Variants in PRKCE observed in about 807,000 individuals in gnomAD.
PRKCE encodes the protein protein kinase C epsilon type.
In PRKCE, 16 loss-of-function variants were observed where a neutral mutation model predicts 85.4. That is an observed-to-expected ratio of 0.19 (90% confidence interval 0.13 to 0.28). The LOEUF is 0.28. Ranked by LOEUF, PRKCE falls within the 10% of genes least tolerant of loss-of-function variation. The probability of loss-of-function intolerance (pLI) is 1.00; values close to 1 mark genes in which losing one functional copy is unlikely to be tolerated. For synonymous variants in PRKCE, 388 were observed against 371.5 expected, an observed-to-expected ratio of 1.04 and a Z score of -0.51; for missense variants, 573 against 975.2, an observed-to-expected ratio of 0.59 and a Z score of 5.49.
chr2:46,174,154 G>T (rs1679187060), intron 14 of PRKCE, among the ~76,000 whole-genome samples: 1 of 152,242 alleles, frequency 6.6e-6, no homozygotes, highest in African/African-American at 2.4e-5. Flanking sequence ...CAATGAGATT[G>T]TGGGGAAGGG....
chr2:46,014,334 C>A (rs1705943129), intron 10 of PRKCE, among the ~76,000 whole-genome samples: 1 of 152,158 alleles, frequency 6.6e-6, no homozygotes, highest in Non-Finnish European at 1.5e-5. Flanking sequence ...CAGTCAAGAT[C>A]AAGTAGCCAC....
chr2:45,908,870 C>G (rs1332438884), intron 2 of PRKCE, among the ~76,000 whole-genome samples: 2 of 152,126 alleles, frequency 1.3e-5, no homozygotes, highest in Non-Finnish European at 2.9e-5. Context: ...GTACAGTGGG[C>G]AGATTCATAC....
intron 1 of PRKCE, among the ~76,000 whole-genome samples, chr2:45,745,268 G>A (rs1683047090): frequency 6.6e-6 from 1 of 152,144 alleles, no homozygotes; most frequent in East Asian, 1.9e-4. Flanking sequence ...GGTGGGGAGA[G>A]GAGGCCCGGG....
At chr2:46,127,245 T>C (rs1673951265) in intron 11 of PRKCE, among the ~76,000 whole-genome samples, 1 of 152,216 alleles carries the variant, frequency 6.6e-6, no homozygotes, top group African/African-American at 2.4e-5. Flanking sequence ...AAATCCTGGA[T>C]TCTTAGGATC....
chr2:45,890,339 T>C (rs1321440015), intron 2 of PRKCE, among the ~76,000 whole-genome samples: 1 of 152,182 alleles, frequency 6.6e-6, no homozygotes, highest in East Asian at 1.9e-4. Context: ...AATACTTCAG[T>C]ACATAGTACT....
At chr2:45,857,286 A>C (rs1333406633) in intron 2 of PRKCE, among the ~76,000 whole-genome samples, 1 of 152,254 alleles carries the variant, frequency 6.6e-6, no homozygotes, top group East Asian at 1.9e-4. Flanking sequence ...GGATTCCATT[A>C]CCAGAAAACT....
At chr2:46,081,484 A>G (rs1669073416) in intron 10 of PRKCE, among the ~76,000 whole-genome samples, 2 of 152,356 alleles carry the variant, frequency 1.3e-5, no homozygotes, top group Non-Finnish European at 2.9e-5. Flanking sequence ...GGAGAAAGTT[A>G]TAAATTAATT....
intron 10 of PRKCE, among the ~76,000 whole-genome samples, chr2:46,015,882 A>G (rs568135613): frequency 1.3e-5 from 2 of 152,240 alleles, no homozygotes; most frequent in East Asian, 3.9e-4. Context: ...GTGTGTGAGC[A>G]GGTTTGGTGA....
intron 10 of PRKCE, among the ~76,000 whole-genome samples, chr2:46,024,172 G>A (rs1015943134): frequency 2.0e-5 from 3 of 152,194 alleles, no homozygotes; most frequent in Non-Finnish European, 4.4e-5. Flanking sequence ...TTATACTGGG[G>A]TGACTGAACT....
intron 1 of PRKCE, chr2:45,685,469 A>G (rs1423939137): frequency 2.6e-5 from 4 of 152,198 alleles, no homozygotes; most frequent in Non-Finnish European, 5.9e-5. Flanking sequence ...CATGATTACT[A>G]TCGTGCCAGG....
intron 11 of PRKCE, among the ~76,000 whole-genome samples, chr2:46,098,110 CA>C (rs1670880737): frequency 6.6e-6 from 1 of 152,104 alleles, no homozygotes; most frequent in Non-Finnish European, 1.5e-5. Flanking sequence ...GTGTTCAGAG[CA>C]AAAATTATGA....
chr2:46,019,824 T>G (rs1706488527), intron 10 of PRKCE, among the ~76,000 whole-genome samples: 1 of 151,850 alleles, frequency 6.6e-6, no homozygotes, highest in Admixed American at 6.6e-5. Flanking sequence ...GTTTGCTTTT[T>G]CTTGTAAAGC....
chr2:45,685,263 C>T (rs184936160), intron 1 of PRKCE: 1 of 152,242 alleles, frequency 6.6e-6, no homozygotes, highest in East Asian at 1.9e-4. Context: ...TTTCTCTGTA[C>T]CTGGTACTAA....
chr2:46,115,230 C>T (rs1189365331), intron 11 of PRKCE, among the ~76,000 whole-genome samples: 1 of 152,234 alleles, frequency 6.6e-6, no homozygotes, highest in African/African-American at 2.4e-5. Context: ...AGCCTGTCAC[C>T]TTGGCCTCTT....
intron 11 of PRKCE, among the ~76,000 whole-genome samples, chr2:46,125,947 G>T (rs187740782): frequency 6.6e-6 from 1 of 152,182 alleles, no homozygotes; most frequent in South Asian, 2.1e-4. Flanking sequence ...TTTAAGACAA[G>T]TTAATCTGCT....
intron 8 of PRKCE, among the ~76,000 whole-genome samples, chr2:46,006,856 T>C (rs1366189299): frequency 6.6e-6 from 1 of 152,230 alleles, no homozygotes; most frequent in Non-Finnish European, 1.5e-5. Flanking sequence ...AAAGCAATTC[T>C]TTTGTTAATA....
rs137920569 is a variant in PRKCE, at chr2:45,841,217, A to G, written c.349-1783A>G. On this transcript the variant is annotated intron_variant, in intron 1 of 14. Coordinates refer to ENST00000306156, the MANE Select transcript of PRKCE (RefSeq NM_005400.3). The stretch of plus-strand genomic sequence containing the variant: ...TATATGTATATATGAAGGGGAGTTT[A>G]TTAGGAGAATTGACTCACACGATCA... 2.1e-3 allele frequency among the ~76,000 whole-genome samples: 322 copies of G among 152,350 alleles called. 2 individuals carry two copies. Among genetic ancestry groups the G allele is most frequent in the African/African-American group, 7.6e-3 (315 of 41,574 alleles).
chr2:45,707,929 G>A (rs1366550560), intron 1 of PRKCE, among the ~76,000 whole-genome samples: 1 of 152,222 alleles, frequency 6.6e-6, no homozygotes, highest in Non-Finnish European at 1.5e-5. Flanking sequence ...CAGCCTTCCT[G>A]CAGCATGACT....
At chr2:45,752,436 T>C (rs1168045252) in intron 1 of PRKCE, among the ~76,000 whole-genome samples, 1 of 151,828 alleles carries the variant, frequency 6.6e-6, no homozygotes, top group Non-Finnish European at 1.5e-5. Context: ...GATATCGCCC[T>C]CCCTCCCCTC....
Sources: allele counts gnomAD v4.1 joint callset (sites outside exome capture counted in the v4.1 genomes callset), GRCh38; gene constraint gnomAD v4.1.1; transcripts MANE v1.5; gene names NCBI Gene and HGNC (gene_info 2026-07-23, HGNC 2026-07-21).